The following UTRN variants were observed in gnomAD, a reference collection of about 807,000 sequenced individuals.
The protein encoded by UTRN is dystrophin-related protein 1.
Under a neutral mutation model 463.9 loss-of-function variants are expected in UTRN, and 283 were observed. The ratio of observed to expected loss-of-function variants is 0.61; its 90% CI spans 0.55 to 0.67. UTRN has a LOEUF of 0.67. Among genes scored for constraint, UTRN ranks in the 30% least tolerant of loss-of-function variants. UTRN has a pLI of 0.00. For synonymous variants in UTRN, 1,442 were observed against 1,431.5 expected, an observed-to-expected ratio of 1.01 and a Z score of -0.17; for missense variants, 3,922 against 4,084.3, an observed-to-expected ratio of 0.96 and a Z score of 1.08.
intron 51 of UTRN, among the ~76,000 whole-genome samples, chr6:144,667,410 A>G (rs1207046523): frequency 6.6e-6 from 1 of 152,118 alleles, no homozygotes; most frequent in African/African-American, 2.4e-5. Flanking sequence ...GTCAAACCAC[A>G]TCAGGATGTT....
intron 69 of UTRN, among the ~76,000 whole-genome samples, chr6:144,829,310 T>C (rs906812364): frequency 6.6e-6 from 1 of 152,128 alleles, no homozygotes; most frequent in African/African-American, 2.4e-5. Context: ...CTACCCTTCA[T>C]TGAAAACTGT....
chr6:144,770,191 T>G (rs533803568), intron 58 of UTRN, among the ~76,000 whole-genome samples: 36 of 152,304 alleles, frequency 2.4e-4, no homozygotes, highest in Non-Finnish European at 4.3e-4. Context: ...ATTATTTTGT[T>G]TGAGATCTTG....
chr6:144,377,094 A>G (rs1329872291), intron 2 of UTRN, among the ~76,000 whole-genome samples: 4 of 152,036 alleles, frequency 2.6e-5, no homozygotes, highest in East Asian at 1.9e-4. Context: ...CTGGAGTGCA[A>G]TGGTGTGATC....
intron 54 of UTRN, among the ~76,000 whole-genome samples, chr6:144,740,831 G>C (rs1789978294): frequency 6.6e-6 from 1 of 152,116 alleles, no homozygotes. Context: ...ATATGATAAA[G>C]ATTTGTTTGA....
intron 51 of UTRN, among the ~76,000 whole-genome samples, chr6:144,655,838 AT>A (rs1455034888): frequency 1.3e-5 from 2 of 152,268 alleles, no homozygotes; most frequent in African/African-American, 2.4e-5. Flanking sequence ...TAAATAGGTC[AT>A]CTTTTAACAA....
intron 65 of UTRN, among the ~76,000 whole-genome samples, chr6:144,808,856 CT>C (rs1238477915): frequency 6.6e-6 from 1 of 151,988 alleles, no homozygotes; most frequent in African/African-American, 2.4e-5. Flanking sequence ...GAATTCCCTT[CT>C]TTTTTTATGA....
intron 51 of UTRN, among the ~76,000 whole-genome samples, chr6:144,605,559 T>C (rs1804755155): frequency 6.6e-6 from 1 of 152,058 alleles, no homozygotes. Context: ...CAATTATTTG[T>C]ATAAAATTAC....
In UTRN at chr6:144,416,539, G is replaced by A. The variant is rs889091015; in HGVS notation, c.142-5339G>A. ...TCCCCTTGCATTGTGCTGACCGTTC[G>A]CCTTTGTGCTCTAACATTTTAAAAT... On this transcript the variant is annotated intron_variant, in intron 3 of 74. Coordinates refer to ENST00000367545, the MANE Select transcript of UTRN (RefSeq NM_007124.3). 7.2e-5 allele frequency among the ~76,000 whole-genome samples: 11 copies of A among 152,092 alleles called. No homozygotes were observed. The East Asian group carries it at 1.2e-3, about 16-fold the overall frequency.
At chr6:144,313,532 C>T (rs2114564293) in intron 2 of UTRN, among the ~76,000 whole-genome samples, 1 of 152,284 alleles carries the variant, frequency 6.6e-6, no homozygotes, top group East Asian at 1.9e-4. Flanking sequence ...CAGACTTTCC[C>T]CTTTGTCTGC....
At position 144,447,637 on chromosome 6, in the gene UTRN, A is replaced by G. The variant is rs765316608; in HGVS notation, c.1758A>G (p.Thr586=). ...AAGACATGGAAATGAAGCGTCAAAC[A>G]TTGGATCAGCTGAGTGAGATTGGCC... ...LKEDMEMKRQ[T]LDQLSEIGQD... Residue 586 remains threonine (T), a synonymous_variant, in exon 16 of 75, where the codon ACA becomes ACG. Coordinates refer to ENST00000367545, the MANE Select transcript of UTRN (RefSeq NM_007124.3). 6.2e-7 allele frequency: 1 copy of G among 1,613,812 alleles called. No individual in the cohort carries two copies. Among genetic ancestry groups the G allele is most frequent in the Non-Finnish European group, 8.5e-7 (1 of 1,179,872 alleles).
rs768280045 is a variant in UTRN at position 144,436,085 on chromosome 6, G to A, written c.1006G>A (p.Asp336Asn). The A allele has an allele frequency of 6.2e-7, 1 of 1,614,228 alleles. No homozygotes were observed. The highest frequency in any genetic ancestry group is 1.1e-5 in the South Asian group (1 of 91,082). ...TGCTGAGGACACTTTCCAGGAGCAG[G>A]ATGATATTTCTGATGATGTTGAAGA... ...LSAEDTFQEQDDISDDVEEVK... is the reference protein window; with the variant it reads ...LSAEDTFQEQNDISDDVEEVK... Residue 336 changes from aspartate to asparagine, a missense_variant, in exon 10 of 75, where the codon GAT becomes AAT. Coordinates refer to ENST00000367545, the MANE Select transcript of UTRN (RefSeq NM_007124.3).
chr6:144,821,100 T>C, intron 66 of UTRN, 82 bp downstream of exon 66: 1 of 1,490,520 alleles, frequency 6.7e-7, no homozygotes, highest in Non-Finnish European at 9.0e-7. Context: ...ACAAGAGAAA[T>C]TGTTTAATAC....
chr6:144,686,604 T>C (rs1407110288), intron 52 of UTRN, among the ~76,000 whole-genome samples: 5 of 152,208 alleles, frequency 3.3e-5, no homozygotes, highest in Middle Eastern at 3.2e-3. Flanking sequence ...AGGATTGTAG[T>C]ATCTTCTTGT....
chr6:144,629,493 A>G (rs1361534365), intron 51 of UTRN, among the ~76,000 whole-genome samples: 1 of 152,248 alleles, frequency 6.6e-6, no homozygotes. Flanking sequence ...GCTGATCCTT[A>G]GAAGCTGTCT....
In UTRN at chr6:144,529,934, T is replaced by C. The variant is rs1796888807; in HGVS notation, c.5907-1118T>C. Among the ~76,000 whole-genome samples the C allele has an allele frequency of 2.0e-5, 3 of 152,208 alleles. No homozygotes were observed. In the South Asian group the frequency reaches 6.2e-4, roughly 31 times the overall value. On this transcript the variant is annotated intron_variant, in intron 41 of 74. Coordinates refer to ENST00000367545, the MANE Select transcript of UTRN (RefSeq NM_007124.3). The stretch of plus-strand genomic sequence containing the variant: ...GCTTTTCCTTTTTATGCTTATTTCA[T>C]GTATCCTGAATATAACAAGCACTGG...
rs1362914278 is a variant in UTRN, at chr6:144,471,060, G to C, written c.3067-2660G>C. ...AGGGAGGGGGAGAGGGAGGGGGAGAGGGAGGGGGAGGGGGCGAGGGAGGGG... is the reference window on the plus strand; with the variant it reads ...AGGGAGGGGGAGAGGGAGGGGGAGACGGAGGGGGAGGGGGCGAGGGAGGGG... On this transcript the variant is annotated intron_variant, in intron 23 of 74. Transcript: ENST00000367545. Among the ~76,000 whole-genome samples the C allele has an allele frequency of 4.7e-3, 462 of 97,686 alleles. 8 individuals are homozygous for C. Among genetic ancestry groups the C allele is most frequent in the Middle Eastern group, 0.021 (4 of 188 alleles). The allele number at this position is 97,686 out of a possible 152,430, so 64.1% of individuals were successfully genotyped here.
chr6:144,754,524 A>G (rs539237634), intron 56 of UTRN, among the ~76,000 whole-genome samples, 196 bp from the exon 57 acceptor site: 71 of 148,586 alleles, frequency 4.8e-4, no homozygotes, highest in Admixed American at 4.4e-3. Context: ...TTGAGGTCAG[A>G]AGGAGTCTTT....
chr6:144,752,838 C>T (rs952139634), intron 56 of UTRN, among the ~76,000 whole-genome samples: 2 of 151,892 alleles, frequency 1.3e-5, no homozygotes, highest in Non-Finnish European at 2.9e-5. Flanking sequence ...TCACCATTTC[C>T]GAAGATTAGA....
At chr6:144,723,816 A>T (rs910682083) in intron 53 of UTRN, among the ~76,000 whole-genome samples, 1 of 152,052 alleles carries the variant, frequency 6.6e-6, no homozygotes, top group African/African-American at 2.4e-5. Flanking sequence ...ACCCTGGGCA[A>T]CATGGTGAAA....
Sources: gnomAD v4.1 joint callset for allele counts (sites outside exome capture counted in the v4.1 genomes callset) on GRCh38, gnomAD v4.1.1 for gene constraint, MANE v1.5 for transcripts, NCBI Gene and HGNC (gene_info 2026-07-23, HGNC 2026-07-21) for gene names.